ADAMTSL3: variants seen among roughly 807,000 people sequenced by gnomAD.
ADAMTSL3 encodes the protein ADAMTS-like protein 3.
ADAMTSL3 carries 128 observed loss-of-function variants against 201.7 expected under a neutral mutation model. That is an observed-to-expected ratio of 0.63 (90% CI 0.55 to 0.73). The LOEUF is 0.73. ADAMTSL3 is among the 30% of genes least tolerant of loss of function. ADAMTSL3 has a pLI of 0.00. For missense variants in ADAMTSL3, 1,990 were observed against 2,119.6 expected, an observed-to-expected ratio of 0.94 and a Z score of 1.20; for synonymous variants, 738 against 748.4, an observed-to-expected ratio of 0.99 and a Z score of 0.23.
At chr15:83,747,906 G>T (rs920862242) in intron 3 of ADAMTSL3, among the ~76,000 whole-genome samples, 1 of 151,274 alleles carries the variant, frequency 6.6e-6, no homozygotes, top group Non-Finnish European at 1.5e-5. Flanking sequence ...GCAGCCATGA[G>T]ATCTGGCAGG....
chr15:83,951,026 T>G lies in ADAMTSL3; in HGVS notation c.2490+7944T>G, dbSNP rs148617393. 4.8e-3 allele frequency among the ~76,000 whole-genome samples: 725 copies of G among 151,218 alleles called. 14 individuals are homozygous for G. The highest frequency in any genetic ancestry group is 0.036 in the Admixed American group (551 of 15,166). ...TTCTTTTTTTTTTTTTTCACCTGAT[T>G]CCTCTAACTAGGACTACTAGGACTA... On this transcript the variant is annotated intron_variant, in intron 19 of 29. Transcript: ENST00000286744.
At chr15:83,662,627 A>C (rs530180999) in intron 2 of ADAMTSL3, among the ~76,000 whole-genome samples, 1 of 152,114 alleles carries the variant, frequency 6.6e-6, no homozygotes, top group East Asian at 1.9e-4. Flanking sequence ...GTTCATTTAA[A>C]GTTTTGATTC....
intron 3 of ADAMTSL3, among the ~76,000 whole-genome samples, chr15:83,721,796 G>T (rs1416494466): frequency 6.6e-6 from 1 of 152,114 alleles, no homozygotes; most frequent in African/African-American, 2.4e-5. Flanking sequence ...GCAGTGGCTC[G>T]ATCTTGGCTC....
rs1334499026 is a variant in ADAMTSL3 at position 84,038,082 on chromosome 15, G to A, written c.*276G>A. ...GGGACCTCATCATGTCAGTTGAATC[G>A]AGAAATCACCAAGATTATGAGTGCA... On this transcript the variant is annotated 3_prime_UTR_variant, in exon 30 of 30. Coordinates refer to ENST00000286744, the MANE Select transcript of ADAMTSL3 (RefSeq NM_207517.3). 2.1e-5 allele frequency: 8 copies of A among 385,704 alleles called. No homozygotes were observed. The highest frequency in any genetic ancestry group is 1.1e-4 in the South Asian group (2 of 18,366). The allele number at this position is 385,704 out of a possible 1,614,324, so 23.9% of individuals were successfully genotyped here.
chr15:83,756,383 G>T (rs2062719563), intron 3 of ADAMTSL3, among the ~76,000 whole-genome samples: 1 of 152,160 alleles, frequency 6.6e-6, no homozygotes, highest in Non-Finnish European at 1.5e-5. Context: ...TCTTAATATG[G>T]TGGCTGGCAA....
rs146624827 is a variant in ADAMTSL3 at position 83,851,154 on chromosome 15, G to A, written c.728-7612G>A. Among the ~76,000 whole-genome samples, 12 of 151,352 alleles carry A rather than the reference G, an allele frequency of 7.9e-5. No homozygotes were observed. In the East Asian group the frequency reaches 1.9e-3, roughly 24 times the overall value. Reference sequence around the variant, plus strand: ...GTTTGGGAAGTACTGCCTTATCAGCGTATCACAGAGACTTCTACAAATGTA... The same window carrying A: ...GTTTGGGAAGTACTGCCTTATCAGCATATCACAGAGACTTCTACAAATGTA... On this transcript the variant is annotated intron_variant, in intron 7 of 29. Coordinates refer to ENST00000286744, the MANE Select transcript of ADAMTSL3 (RefSeq NM_207517.3).
chr15:83,681,139 A>G (rs1358022021), intron 2 of ADAMTSL3, among the ~76,000 whole-genome samples: 2 of 152,256 alleles, frequency 1.3e-5, no homozygotes, highest in Non-Finnish European at 2.9e-5. Context: ...AGAATAGGCT[A>G]TATCATGCTT....
intron 2 of ADAMTSL3, among the ~76,000 whole-genome samples, chr15:83,664,729 G>A (rs566427451): frequency 2.0e-5 from 3 of 152,320 alleles, no homozygotes; most frequent in South Asian, 4.1e-4. Context: ...CCTGTGATCC[G>A]AGCACCTTGG....
chr15:83,934,799 A>G (rs1340895013), intron 17 of ADAMTSL3, among the ~76,000 whole-genome samples: 1 of 152,206 alleles, frequency 6.6e-6, no homozygotes, highest in African/African-American at 2.4e-5. Flanking sequence ...AGAAAAGAGA[A>G]TCACATCAAC....
intron 28 of ADAMTSL3, among the ~76,000 whole-genome samples, chr15:84,034,477 G>A (rs1435747742): frequency 6.6e-6 from 1 of 152,156 alleles, no homozygotes; most frequent in Non-Finnish European, 1.5e-5. Context: ...AGAGGGAATG[G>A]GAATTGTCAG....
intron 3 of ADAMTSL3, among the ~76,000 whole-genome samples, chr15:83,749,600 TG>T (rs1448140669): frequency 1.3e-5 from 2 of 152,194 alleles, no homozygotes; most frequent in Non-Finnish European, 2.9e-5. Context: ...CTAAGGACTC[TG>T]AACTTTGTCC....
At chr15:83,762,611 T>G (rs921733482) in intron 3 of ADAMTSL3, among the ~76,000 whole-genome samples, 4 of 152,016 alleles carry the variant, frequency 2.6e-5, no homozygotes, top group African/African-American at 9.7e-5. Context: ...GGGAACTAAC[T>G]CTCTCAAGCT....
chr15:83,760,010 T>A (rs191941815), intron 3 of ADAMTSL3, among the ~76,000 whole-genome samples: 106 of 152,318 alleles, frequency 7.0e-4, no homozygotes, highest in African/African-American at 2.4e-3. Flanking sequence ...TAGTCTTTTT[T>A]AATTTGTTGA....
intron 19 of ADAMTSL3, among the ~76,000 whole-genome samples, chr15:83,952,952 T>G (rs2066785389): frequency 6.6e-6 from 1 of 152,220 alleles, no homozygotes; most frequent in Non-Finnish European, 1.5e-5. Context: ...ACTACTGCTG[T>G]TTTTGGGGTT....
chr15:83,942,064 T>C (rs1488071471), intron 17 of ADAMTSL3, among the ~76,000 whole-genome samples: 4 of 152,176 alleles, frequency 2.6e-5, no homozygotes, highest in Non-Finnish European at 4.4e-5. Context: ...TGGTTTTTCA[T>C]TTTTACAGAT....
chr15:83,677,063 C>T (rs1230775368), intron 2 of ADAMTSL3, among the ~76,000 whole-genome samples: 2 of 152,086 alleles, frequency 1.3e-5, no homozygotes, highest in South Asian at 2.1e-4. Context: ...ATTTACTTTC[C>T]CAGTGTTTGG....
At chr15:83,916,842 C>T (rs1213998556) in intron 16 of ADAMTSL3, among the ~76,000 whole-genome samples, 1 of 152,162 alleles carries the variant, frequency 6.6e-6, no homozygotes. Flanking sequence ...CTCCATGGTT[C>T]TTCACCAAGT....
intron 23 of ADAMTSL3, among the ~76,000 whole-genome samples, chr15:84,000,166 T>G (rs1220827484): frequency 6.6e-6 from 1 of 152,230 alleles, no homozygotes; most frequent in Admixed American, 6.5e-5. Context: ...TGCTTGCTCT[T>G]GTTTTATGAA....
intron 5 of ADAMTSL3, among the ~76,000 whole-genome samples, chr15:83,806,945 G>T (rs1421927479): frequency 6.6e-6 from 1 of 152,044 alleles, no homozygotes; most frequent in Non-Finnish European, 1.5e-5. Context: ...TAATTCTTGA[G>T]TAACAAACTC....
Sources: gnomAD v4.1 joint callset for allele counts (sites outside exome capture counted in the v4.1 genomes callset) on GRCh38, gnomAD v4.1.1 for gene constraint, MANE v1.5 for transcripts, NCBI Gene and HGNC (gene_info 2026-07-23, HGNC 2026-07-21) for gene names.